ERBIN: variants seen among roughly 807,000 people sequenced by gnomAD.
ERBIN encodes the protein erbb2 interacting protein.
Under a neutral mutation model 158.4 loss-of-function variants are expected in ERBIN, and 60 were observed. The observed-to-expected ratio is 0.38, with a 90% CI of 0.31 to 0.47. ERBIN has a LOEUF of 0.47. ERBIN is among the 20% of genes least tolerant of loss of function. The pLI is 0.99. For missense variants in ERBIN, 1,610 were observed against 1,648.0 expected (o/e 0.98, Z 0.40); for synonymous variants, 594 against 557.2 (o/e 1.07, Z -0.93).
chr5:66,048,642 AT>A, intron 18 of ERBIN, 24 bp from the exon 19 acceptor site: 2 of 1,388,564 alleles, frequency 1.4e-6, no homozygotes, highest in Non-Finnish European at 2.0e-6. Context: ...TTTAATTTTT[AT>A]CCCCCTCACC....
intron 1 of ERBIN, among the ~76,000 whole-genome samples, chr5:65,963,356 C>G (rs1444717388): frequency 1.3e-5 from 2 of 152,266 alleles, no homozygotes; most frequent in Non-Finnish European, 2.9e-5. Context: ...ACTCTGTCAA[C>G]TATATCTAGA....
rs772537930 is a variant in ERBIN, at chr5:66,009,140, C to T, written c.308-2909C>T. On this transcript the variant is annotated intron_variant, in intron 4 of 25. Transcript: ENST00000284037. ...ATTCTAGCCCCACTGCCACCAGGCACTGCTACATGTTCTCCCTAGGCTCTG... is the reference window on the plus strand; with the variant it reads ...ATTCTAGCCCCACTGCCACCAGGCATTGCTACATGTTCTCCCTAGGCTCTG... Among the ~76,000 whole-genome samples, 3 of 152,204 alleles carry T rather than the reference C, an allele frequency of 2.0e-5. No homozygotes were observed. The South Asian group carries it at 6.2e-4, about 31-fold the overall frequency.
At chr5:66,021,801 A>G (rs1755717446) in intron 8 of ERBIN, among the ~76,000 whole-genome samples, 2 of 152,078 alleles carry the variant, frequency 1.3e-5, no homozygotes, top group African/African-American at 4.8e-5. Context: ...AGCTAAGGGG[A>G]AAATCATTGA....
At chr5:65,992,238 C>T (rs963269596) in intron 2 of ERBIN, among the ~76,000 whole-genome samples, 1 of 152,054 alleles carries the variant, frequency 6.6e-6, no homozygotes, top group African/African-American at 2.4e-5. Context: ...CAAGCTCCAC[C>T]TCCCGGGTTC....
intron 1 of ERBIN, among the ~76,000 whole-genome samples, chr5:65,935,117 C>T (rs1743921399): frequency 6.6e-6 from 1 of 152,092 alleles, no homozygotes; most frequent in Non-Finnish European, 1.5e-5. Context: ...TATGTACTTA[C>T]ACATATTTAC....
Position 65,996,117 on chromosome 5 carries a change from T to C in ERBIN, c.307+1253T>C, listed in dbSNP as rs1004554228. Among the ~76,000 whole-genome samples the C allele has an allele frequency of 5.9e-5, 9 of 152,146 alleles. 1 individual carries two copies. Among genetic ancestry groups the C allele is most frequent in the Non-Finnish European group, 8.8e-5 (6 of 68,032 alleles). On this transcript the variant is annotated intron_variant, in intron 4 of 25. Coordinates refer to ENST00000284037, the MANE Select transcript of ERBIN (RefSeq NM_001253697.2). ...ACAGCTGCTGTTTTGTGTGGTGTGATCCCGTTTGTCTGTTTTTGCTTTTTT... is the reference window on the plus strand; with the variant it reads ...ACAGCTGCTGTTTTGTGTGGTGTGACCCCGTTTGTCTGTTTTTGCTTTTTT...
intron 1 of ERBIN, among the ~76,000 whole-genome samples, chr5:65,981,591 T>C (rs1461656179): frequency 6.6e-6 from 1 of 152,196 alleles, no homozygotes; most frequent in African/African-American, 2.4e-5. Flanking sequence ...TCTATAGCTG[T>C]TAACAAGGAT....
rs1762360256 is a variant in ERBIN at position 66,080,984 on chromosome 5, AG to A, written c.*2455del. Reference sequence around the variant, plus strand: ...TTGAATTAGAATTTTGCTGTAATAAAGTTTCAAAATTTGAATAAAATAATTA... The same window carrying A: ...TTGAATTAGAATTTTGCTGTAATAAATTTCAAAATTTGAATAAAATAATTA... On this transcript the variant is annotated 3_prime_UTR_variant, in exon 26 of 26. Coordinates refer to ENST00000284037, the MANE Select transcript of ERBIN (RefSeq NM_001253697.2). 1 of 152,028 alleles carries A rather than the reference AG, an allele frequency of 6.6e-6. No individual in the cohort carries two copies. The highest frequency in any genetic ancestry group is 2.4e-5 in the African/African-American group (1 of 41,454). 9.4% of individuals were successfully genotyped at this position (152,028 alleles called of 1,614,324 possible). A position where few individuals can be genotyped will look rare whatever the true frequency, so the allele number is the denominator to read the frequency against.
At chr5:66,055,967 C>G (rs1036177777) in intron 21 of ERBIN, among the ~76,000 whole-genome samples, 3 of 152,224 alleles carry the variant, frequency 2.0e-5, no homozygotes, top group East Asian at 1.9e-4. Context: ...TCATTCTCAT[C>G]TATGCATTTT....
chr5:66,005,616 T>G (rs1164407119), intron 4 of ERBIN, among the ~76,000 whole-genome samples: 1 of 152,176 alleles, frequency 6.6e-6, no homozygotes, highest in African/African-American at 2.4e-5. Flanking sequence ...ATTGTCCCTG[T>G]TTGCAGATGA....
rs1758442821 is a variant in ERBIN at position 66,046,371 on chromosome 5, A to G, written c.1621A>G (p.Thr541Ala). 5 of 1,584,876 alleles carry G rather than the reference A, an allele frequency of 3.2e-6. No individual in the cohort carries two copies. The highest frequency in any genetic ancestry group is 4.3e-6 in the Non-Finnish European group (5 of 1,161,280). ...TACTTAGACCTCAGAAAGTACTACTACAGTAAAAAGCAAAGTTGATGAAAG... is the reference window on the plus strand; with the variant it reads ...TACTTAGACCTCAGAAAGTACTACTGCAGTAAAAAGCAAAGTTGATGAAAG... ...VGVKTSESTTTVKSKVDEREK... is the reference protein window; with the variant it reads ...VGVKTSESTTAVKSKVDEREK... Residue 541 changes from threonine to alanine, a missense_variant, in exon 18 of 26, where the codon ACA becomes GCA. Physicochemically the swap from Thr to Ala is moderately conservative, Grantham distance 58. Transcript: ENST00000284037.
At chr5:65,964,609 C>T (rs1401838065) in intron 1 of ERBIN, among the ~76,000 whole-genome samples, 1 of 152,038 alleles carries the variant, frequency 6.6e-6, no homozygotes, top group Non-Finnish European at 1.5e-5. Context: ...ATAATGACAG[C>T]AATAATAATA....
At chr5:65,986,766 G>T (rs1189940814) in intron 1 of ERBIN, among the ~76,000 whole-genome samples, 1 of 152,122 alleles carries the variant, frequency 6.6e-6, no homozygotes, top group African/African-American at 2.4e-5. Context: ...CAGAAATAGA[G>T]AATAGTTAGC....
At chr5:66,072,464 A>G (rs935343122) in intron 22 of ERBIN, among the ~76,000 whole-genome samples, 173 bp downstream of exon 22, 3 of 152,190 alleles carry the variant, frequency 2.0e-5, no homozygotes, top group Non-Finnish European at 4.4e-5. Flanking sequence ...GACCCTGTCT[A>G]CTATTTCTCA....
At chr5:65,972,713 T>C (rs922902831) in intron 1 of ERBIN, among the ~76,000 whole-genome samples, 11 of 151,504 alleles carry the variant, frequency 7.3e-5, no homozygotes, top group Non-Finnish European at 4.4e-5. Flanking sequence ...ATCTGAATGC[T>C]ACAAAAAGTG....
chr5:66,076,322 G>C lies in ERBIN; in HGVS notation c.3970G>C (p.Val1324Leu). The change falls in exon 24 of 26, where the codon GTG becomes CTG. Residue 1324 changes from valine to leucine, a missense_variant. Around this residue, in one of 2 missense-constraint regions of ERBIN, gnomAD observed 1,014 missense variants for 936.1 expected, o/e 1.08. Transcript: ENST00000284037. The stretch of plus-strand genomic sequence containing the variant: ...TATTTTCATATTAACTCAGATTCGA[G>C]TGAGGGTTGAAAAGGATCCAGAACT... ...GHELAKQEIR[V>L]RVEKDPELGF... 1 of 1,611,692 alleles carries C rather than the reference G, an allele frequency of 6.2e-7. No individual in the cohort carries two copies. Among genetic ancestry groups the C allele is most frequent in the Non-Finnish European group, 8.5e-7 (1 of 1,179,316 alleles).
chr5:66,016,844 G>A (rs1482351597), intron 7 of ERBIN, among the ~76,000 whole-genome samples: 1 of 151,926 alleles, frequency 6.6e-6, no homozygotes, highest in Non-Finnish European at 1.5e-5. Flanking sequence ...CGAACTCCTG[G>A]CCTCAAATGA....
chr5:65,961,825 A>G (rs1385290995), intron 1 of ERBIN, among the ~76,000 whole-genome samples: 1 of 152,018 alleles, frequency 6.6e-6, no homozygotes, highest in Non-Finnish European at 1.5e-5. Context: ...TGGTTTTGAG[A>G]GCAAGTGGTC....
At chr5:65,933,391 C>T (rs1246626269) in intron 1 of ERBIN, among the ~76,000 whole-genome samples, 3 of 152,144 alleles carry the variant, frequency 2.0e-5, no homozygotes, top group Non-Finnish European at 4.4e-5. Flanking sequence ...AAATATTTAA[C>T]GAGTTTCTCT....
Sources: allele counts gnomAD v4.1 joint callset (sites outside exome capture counted in the v4.1 genomes callset), GRCh38; gene constraint gnomAD v4.1.1; regional missense constraint gnomAD v4.1.1; transcripts MANE v1.5; gene names NCBI Gene and HGNC (gene_info 2026-07-23, HGNC 2026-07-21).